The following TMCO4 variants were observed in gnomAD, a reference collection of about 807,000 sequenced individuals.
The protein encoded by TMCO4 is transmembrane and coiled-coil domain-containing protein 4.
A neutral mutation model predicts 64.7 loss-of-function variants in TMCO4; 58 were observed. The ratio of observed to expected loss-of-function variants is 0.90; its 90% CI spans 0.73 to 1.12. TMCO4 has a LOEUF of 1.12. TMCO4 is among the 50% of genes most tolerant of loss of function. The pLI is 0.00. For missense variants in TMCO4, 780 were observed against 825.9 expected (o/e 0.94, Z 0.68); for synonymous variants, 325 against 346.1 (o/e 0.94, Z 0.68).
At chr1:19,709,278 C>A (rs142323315) in intron 13 of TMCO4, among the ~76,000 whole-genome samples, 1 of 106,948 alleles carries the variant, frequency 9.4e-6, no homozygotes, top group Non-Finnish European at 2.0e-5. Flanking sequence ...CTATTACTAA[C>A]ATCCCGGCGG....
chr1:19,690,185 A>G (rs907990528), intron 15 of TMCO4, among the ~76,000 whole-genome samples: 1 of 152,164 alleles, frequency 6.6e-6, no homozygotes, highest in Non-Finnish European at 1.5e-5. Context: ...TTCAATTATC[A>G]GCGTGTCCTC....
At chr1:19,686,053 C>G (rs1486508753) in intron 15 of TMCO4, among the ~76,000 whole-genome samples, 1 of 152,208 alleles carries the variant, frequency 6.6e-6, no homozygotes, top group Non-Finnish European at 1.5e-5. Flanking sequence ...AAAGCCTGTT[C>G]TCTTCAGAGA....
At chr1:19,767,353 C>T (rs2042781140) in intron 6 of TMCO4, among the ~76,000 whole-genome samples, 1 of 152,154 alleles carries the variant, frequency 6.6e-6, no homozygotes, top group African/African-American at 2.4e-5. Flanking sequence ...GGTAGTCATT[C>T]TCAATGGAAA....
Position 19,746,806 on chromosome 1 carries a change from C to A in TMCO4, c.614-207G>T, listed in dbSNP as rs537133352. Among the ~76,000 whole-genome samples the A allele has an allele frequency of 5.5e-4, 83 of 152,064 alleles. No individual in the cohort carries two copies. The South Asian group carries it at 7.7e-3, about 14-fold the overall frequency. On this transcript the variant is annotated intron_variant, in intron 8 of 15. Transcript: ENST00000294543. ...GGGCATGGTGGCAGGCGCCTGTAAT[C>A]CCAGCTACTCGGGAGGCTGAGGCAG...
intron 13 of TMCO4, among the ~76,000 whole-genome samples, chr1:19,736,787 C>T (rs2095456784): frequency 6.6e-6 from 1 of 152,202 alleles, no homozygotes; most frequent in Non-Finnish European, 1.5e-5. Flanking sequence ...GGTGAACCCC[C>T]AGAAGATATG....
At chr1:19,760,974 T>C (rs2042477490) in intron 6 of TMCO4, among the ~76,000 whole-genome samples, 1 of 152,230 alleles carries the variant, frequency 6.6e-6, no homozygotes. Context: ...CTATGACCAA[T>C]AATCCTATTA....
chr1:19,779,457 AATT>A (rs1311775187), intron 4 of TMCO4, among the ~76,000 whole-genome samples: 2 of 152,140 alleles, frequency 1.3e-5, no homozygotes, highest in East Asian at 3.8e-4. Flanking sequence ...TCCCCTCTAG[AATT>A]TTTTAAGGTC....
intron 9 of TMCO4, 116 bp downstream of exon 9, chr1:19,746,340 C>T (rs1557556271): frequency 2.8e-6 from 4 of 1,454,368 alleles, no homozygotes; most frequent in South Asian, 1.3e-5. Context: ...AGAAAAGCCA[C>T]GTCTCCTCTG....
intron 14 of TMCO4, among the ~76,000 whole-genome samples, chr1:19,696,431 T>TC (rs2095237840): frequency 6.6e-6 from 1 of 152,050 alleles, no homozygotes; most frequent in Non-Finnish European, 1.5e-5. Context: ...GTGCCTGTGG[T>TC]CCCAGCTACT....
intron 4 of TMCO4, among the ~76,000 whole-genome samples, chr1:19,777,487 G>A (rs1246066268): frequency 5.9e-5 from 9 of 151,738 alleles, no homozygotes; most frequent in Non-Finnish European, 8.8e-5. Context: ...AGCTGGGATT[G>A]TCAGTGTGTA....
chr1:19,710,185 C>A (rs1314007436), intron 13 of TMCO4, among the ~76,000 whole-genome samples: 1 of 152,006 alleles, frequency 6.6e-6, no homozygotes, highest in Non-Finnish European at 1.5e-5. Context: ...TAGCTCACTG[C>A]AGCCTCAACC....
At chr1:19,696,924 G>C (rs1309788370) in intron 14 of TMCO4, among the ~76,000 whole-genome samples, 1 of 152,128 alleles carries the variant, frequency 6.6e-6, no homozygotes, top group African/African-American at 2.4e-5. Flanking sequence ...ACCCGGCTCT[G>C]GACCATACAG....
At chr1:19,771,163 C>A (rs1205716323) in intron 5 of TMCO4, 145 bp downstream of exon 5, 1 of 888,968 alleles carries the variant, frequency 1.1e-6, no homozygotes. Context: ...AATTCAACAT[C>A]AGCTATGATC....
At chr1:19,702,268 C>A (rs2095277504) in intron 13 of TMCO4, among the ~76,000 whole-genome samples, 1 of 134,890 alleles carries the variant, frequency 7.4e-6, no homozygotes, top group Non-Finnish European at 1.5e-5. Context: ...CGTGCCTGGC[C>A]GAGACTCTTG....
At chr1:19,685,928 TG>T (rs2095145460) in intron 15 of TMCO4, among the ~76,000 whole-genome samples, 1 of 151,912 alleles carries the variant, frequency 6.6e-6, no homozygotes, top group South Asian at 2.1e-4. Flanking sequence ...AGGGTTTCAC[TG>T]TGTTAGCCAG....
At chr1:19,780,064 C>A (rs1435303551) in intron 4 of TMCO4, among the ~76,000 whole-genome samples, 1 of 152,146 alleles carries the variant, frequency 6.6e-6, no homozygotes, top group Non-Finnish European at 1.5e-5. Context: ...GGACCCGGCG[C>A]AGGTAGGGTT....
intron 13 of TMCO4, among the ~76,000 whole-genome samples, chr1:19,708,406 A>T (rs1302500674): frequency 1.3e-5 from 2 of 152,066 alleles, no homozygotes; most frequent in South Asian, 2.1e-4. Context: ...CATAAATAAA[A>T]AAAAAAAAAC....
At chr1:19,799,565 G>A (rs2044499736) in intron 1 of TMCO4, among the ~76,000 whole-genome samples, 1 of 152,226 alleles carries the variant, frequency 6.6e-6, no homozygotes, top group Non-Finnish European at 1.5e-5. Flanking sequence ...TCGCCCGAGT[G>A]CTCCGCCCAG....
At chr1:19,710,998 G>C (rs1211858873) in intron 13 of TMCO4, among the ~76,000 whole-genome samples, 1 of 152,220 alleles carries the variant, frequency 6.6e-6, no homozygotes, top group Non-Finnish European at 1.5e-5. Flanking sequence ...GTCTTTGATG[G>C]AGAGTTAGGC....
Sources: gnomAD v4.1 joint callset for allele counts (sites outside exome capture counted in the v4.1 genomes callset) on GRCh38, gnomAD v4.1.1 for gene constraint, MANE v1.5 for transcripts, NCBI Gene and HGNC (gene_info 2026-07-23, HGNC 2026-07-21) for gene names.